CNNM2: variants seen among roughly 807,000 people sequenced by gnomAD.
CNNM2 encodes the protein metal transporter CNNM2.
Under a neutral mutation model 66.9 loss-of-function variants are expected in CNNM2, and 12 were observed. The ratio of observed to expected loss-of-function variants is 0.18; its 90% CI spans 0.11 to 0.29. The LOEUF (loss-of-function observed/expected upper bound fraction) is 0.29, where lower values mean the gene tolerates loss of function less well. Ranked by LOEUF, CNNM2 falls within the 10% of genes least tolerant of loss-of-function variation. The pLI is 1.00. For missense variants in CNNM2, 705 were observed against 1,167.7 expected (o/e 0.60, Z 5.77); for synonymous variants, 557 against 501.8 (o/e 1.11, Z -1.47).
intron 1 of CNNM2, among the ~76,000 whole-genome samples, chr10:102,931,953 G>A (rs746544166): frequency 2.0e-5 from 3 of 151,182 alleles, no homozygotes; most frequent in Middle Eastern, 3.4e-3. Context: ...ATCTCTTCAC[G>A]TGCTTACTGG....
intron 1 of CNNM2, among the ~76,000 whole-genome samples, chr10:102,934,397 C>T (rs1220578217): frequency 6.6e-6 from 1 of 151,360 alleles, no homozygotes; most frequent in Non-Finnish European, 1.5e-5. Context: ...TCTCCTGCCT[C>T]AGCCTCCCAA....
intron 1 of CNNM2, among the ~76,000 whole-genome samples, chr10:102,967,310 C>T (rs572005594): frequency 6.6e-6 from 1 of 152,188 alleles, no homozygotes; most frequent in African/African-American, 2.4e-5. Flanking sequence ...ATAAAACCCA[C>T]CCATGTAAGC....
chr10:102,983,325 ATATT>A (rs1445589241), intron 1 of CNNM2, among the ~76,000 whole-genome samples: 1 of 147,792 alleles, frequency 6.8e-6, no homozygotes, highest in African/African-American at 2.5e-5. Context: ...TGTCTTTAAA[ATATT>A]TATATTTTTA....
chr10:103,028,059 C>T (rs1052849968), intron 1 of CNNM2, among the ~76,000 whole-genome samples: 8 of 152,160 alleles, frequency 5.3e-5, no homozygotes, highest in African/African-American at 1.4e-4. Flanking sequence ...CTCTTAAAAT[C>T]TGTGCCTTTT....
intron 1 of CNNM2, among the ~76,000 whole-genome samples, chr10:102,960,909 T>C (rs2063368755): frequency 6.6e-6 from 1 of 151,464 alleles, no homozygotes. Flanking sequence ...TTTTTTTTTT[T>C]TGAGACAGAG....
intron 1 of CNNM2, among the ~76,000 whole-genome samples, chr10:103,021,885 G>T (rs2064589221): frequency 6.6e-6 from 1 of 152,204 alleles, no homozygotes; most frequent in Admixed American, 6.5e-5. Context: ...GAATATATAT[G>T]TGTGTATGTA....
chr10:102,924,250 G>A (rs771778198), intron 1 of CNNM2, among the ~76,000 whole-genome samples: 9 of 152,182 alleles, frequency 5.9e-5, no homozygotes, highest in African/African-American at 1.7e-4. Context: ...TGACAAAACC[G>A]TCCTCACAAA....
rs1468645964 is a variant in CNNM2 at position 103,090,146 on chromosome 10, AG to A, written c.*12970del. Reference sequence around the variant, plus strand: ...CAGCTGGAAATTGGAAAAGATGGAGAGGGGAGTTTACTTTCTATTTTACAGC... The same window carrying A: ...CAGCTGGAAATTGGAAAAGATGGAGAGGGAGTTTACTTTCTATTTTACAGC... On this transcript the variant is annotated 3_prime_UTR_variant, in exon 8 of 8. Transcript: ENST00000369878. The A allele has an allele frequency of 2.3e-6, 1 of 437,306 alleles. No individual in the cohort carries two copies. The highest frequency in any genetic ancestry group is 4.0e-6 in the Non-Finnish European group (1 of 248,546). The allele number at this position is 437,306 out of a possible 1,614,324, so 27.1% of individuals were successfully genotyped here.
At position 103,087,140 on chromosome 10, in the gene CNNM2, A is replaced by ATTTTTTTTTTTTTTTTTTTT. The variant is rs71019655; in HGVS notation, c.*9973_*9992dup. 1.6e-4 allele frequency: 12 copies of ATTTTTTTTTTTTTTTTTTTT among 75,380 alleles called. 1 individual carries two copies. Among genetic ancestry groups the ATTTTTTTTTTTTTTTTTTTT allele is most frequent in the East Asian group, 1.0e-3 (2 of 1,986 alleles). 4.7% of individuals were successfully genotyped at this position (75,380 alleles called of 1,614,324 possible). ...TTCTCACGGTATAAAACTCCGCAGGATTTTTTTTTTTTTTTTTTTTTTTTT... is the reference window on the plus strand; with the variant it reads ...TTCTCACGGTATAAAACTCCGCAGGATTTTTTTTTTTTTTTTTTTTTTTTTTTTTTTTTTTTTTTTTTTTT... On this transcript the variant is annotated 3_prime_UTR_variant, in exon 8 of 8. Transcript: ENST00000369878.
chr10:103,012,596 C>T lies in CNNM2; in HGVS notation c.1622-37111C>T, dbSNP rs7072158. Among the ~76,000 whole-genome samples the T allele has an allele frequency of 6.5e-3, 967 of 149,242 alleles. 8 individuals are homozygous for T. The highest frequency in any genetic ancestry group is 0.023 in the African/African-American group (916 of 40,532). On this transcript the variant is annotated intron_variant, in intron 1 of 7. Coordinates refer to ENST00000369878, the MANE Select transcript of CNNM2 (RefSeq NM_017649.5). ...CTGGGAGGCGAAGGTTGCAGTGAGC[C>T]GAGATTGCACCACTGCACTCCAGCC...
intron 6 of CNNM2, among the ~76,000 whole-genome samples, chr10:103,073,177 T>G (rs2065622892): frequency 6.6e-6 from 1 of 152,172 alleles, no homozygotes. Context: ...CATCAGGCTC[T>G]TGGCAGAGGA....
Position 103,068,656 on chromosome 10 carries a change from G to A in CNNM2, c.2101G>A (p.Glu701Lys). ...QGKVEVEAGK[E>K]GMKFEASAFS... ...GAAAGTGGAAGTTGAAGCTGGGAAA[G>A]AAGGTATGAAGTTTGAAGCGAGCGC... Residue 701 changes from glutamate to lysine, a missense_variant, in exon 5 of 8, where the codon GAA (glutamate) becomes AAA (lysine). Coordinates refer to ENST00000369878, the MANE Select transcript of CNNM2 (RefSeq NM_017649.5). 1 of 1,613,002 alleles carries A rather than the reference G, an allele frequency of 6.2e-7. No individual in the cohort carries two copies. Among genetic ancestry groups the A allele is most frequent in the Non-Finnish European group, 8.5e-7 (1 of 1,179,540 alleles).
intron 1 of CNNM2, among the ~76,000 whole-genome samples, chr10:102,981,383 C>T (rs2063717551): frequency 6.6e-6 from 1 of 151,802 alleles, no homozygotes; most frequent in South Asian, 2.1e-4. Flanking sequence ...TTCCCTTCCT[C>T]TTTTTTCCTA....
At chr10:102,968,318 C>T (rs1038344769) in intron 1 of CNNM2, among the ~76,000 whole-genome samples, 1 of 152,130 alleles carries the variant, frequency 6.6e-6, no homozygotes, top group African/African-American at 2.4e-5. Context: ...GCAATCTCGG[C>T]TGACTGTAAC....
At chr10:103,037,915 C>CT (rs1250193216) in intron 1 of CNNM2, among the ~76,000 whole-genome samples, 2 of 152,116 alleles carry the variant, frequency 1.3e-5, no homozygotes, top group Non-Finnish European at 1.5e-5. Flanking sequence ...TCTTGGCTCA[C>CT]TGCAACCTCC....
At chr10:103,072,645 A>C (rs978793102) in intron 6 of CNNM2, among the ~76,000 whole-genome samples, 1 of 152,274 alleles carries the variant, frequency 6.6e-6, no homozygotes, top group Non-Finnish European at 1.5e-5. Flanking sequence ...TAATACGTCC[A>C]GCTATTAAAA....
intron 1 of CNNM2, among the ~76,000 whole-genome samples, chr10:102,960,825 C>T (rs1187448152): frequency 5.9e-5 from 8 of 136,182 alleles, no homozygotes; most frequent in Admixed American, 1.6e-4. Context: ...CCTGCTCCGT[C>T]GCCCAGGTGG....
Position 103,089,583 on chromosome 10 carries a change from C to G in CNNM2, c.*12403C>G. 1.4e-6 allele frequency: 2 copies of G among 1,439,832 alleles called. No individual in the cohort carries two copies. Among genetic ancestry groups the G allele is most frequent in the Non-Finnish European group, 1.8e-6 (2 of 1,094,798 alleles). 89.2% of individuals were successfully genotyped at this position (1,439,832 alleles called of 1,614,324 possible). A position where few individuals can be genotyped will look rare whatever the true frequency, so the allele number is the denominator to read the frequency against. Reference sequence around the variant, plus strand: ...CCTTTCATGGAGCCCCCTCCCTCCCCCGAGTAGAACCCTAACAGGGACCTC... The same window carrying G: ...CCTTTCATGGAGCCCCCTCCCTCCCGCGAGTAGAACCCTAACAGGGACCTC... On this transcript the variant is annotated 3_prime_UTR_variant, in exon 8 of 8. Transcript: ENST00000369878.
chr10:102,945,555 C>G (rs1220680840), intron 1 of CNNM2, among the ~76,000 whole-genome samples: 1 of 152,056 alleles, frequency 6.6e-6, no homozygotes, highest in Non-Finnish European at 1.5e-5. Context: ...ACTCCATCCC[C>G]CTGCGCCCCA....
Sources: allele counts gnomAD v4.1 joint callset (sites outside exome capture counted in the v4.1 genomes callset), GRCh38; gene constraint gnomAD v4.1.1; transcripts MANE v1.5; gene names NCBI Gene and HGNC (gene_info 2026-07-23, HGNC 2026-07-21).